NNAT: variants seen among roughly 807,000 people sequenced by gnomAD.
The protein encoded by NNAT is neuronatin.
NNAT carries 8 observed loss-of-function variants against 12.7 expected under a neutral mutation model. The ratio of observed to expected loss-of-function variants is 0.63; its 90% CI spans 0.37 to 1.14. The LOEUF (loss-of-function observed/expected upper bound fraction) is 1.14. NNAT is among the 50% of genes most tolerant of loss of function. The pLI, the probability that NNAT is intolerant of heterozygous loss-of-function variation, is 0.01. For synonymous variants in NNAT, 52 were observed against 48.5 expected (o/e 1.07, Z -0.30); for missense variants, 94 against 108.3 (o/e 0.87, Z 0.59).
Position 37,521,274 on chromosome 20 carries a change from G to A in NNAT, c.-58G>A. On this transcript the variant is annotated 5_prime_UTR_variant, in exon 1 of 3. Transcript: ENST00000649451. This position sits in a 1 kb window ranked among gnomAD's most constrained non-coding sequence, Gnocchi z 4.5. ...CAGTGCGCCCAACAGCGGACTCCGAGACCAGCGGATCTCGGCAAACCCTCT... is the reference window on the plus strand; with the variant it reads ...CAGTGCGCCCAACAGCGGACTCCGAAACCAGCGGATCTCGGCAAACCCTCT... The A allele has an allele frequency of 6.3e-7, 1 of 1,578,310 alleles. No individual in the cohort carries two copies. Among genetic ancestry groups the A allele is most frequent in the East Asian group, 2.2e-5 (1 of 44,610 alleles).
chr20:37,522,258 C>T lies in NNAT; in HGVS notation c.73-100C>T, dbSNP rs2071611915. ...TAAAAAGAGATAAATCAGAAGAAAG[C>T]GCTTTGCCCATAAAATCATTTACCC... On this transcript the variant is annotated intron_variant, in intron 1 of 2. Transcript: ENST00000649451. The T allele has an allele frequency of 5.2e-6, 4 of 770,026 alleles. No homozygotes were observed. In the South Asian group the frequency reaches 7.0e-5, roughly 13 times the overall value. The allele number at this position is 770,026 out of a possible 1,614,324, so 47.7% of individuals were successfully genotyped here.
Position 37,521,514 on chromosome 20 carries a change from C to A in NNAT, c.72+111C>A. 9.1e-7 allele frequency: 1 copy of A among 1,099,410 alleles called. No individual in the cohort carries two copies. Among genetic ancestry groups the A allele is most frequent in the Non-Finnish European group, 1.4e-6 (1 of 730,006 alleles). 68.1% of individuals were successfully genotyped at this position (1,099,410 alleles called of 1,614,324 possible). A position where few individuals can be genotyped will look rare whatever the true frequency, so the allele number is the denominator to read the frequency against. ...CGGACCCGTCCTATTCCGATTGCCG[C>A]GATCCTTGCCTGCCCAAGTGCCGCT... is the stretch of plus-strand genomic sequence containing the variant. On this transcript the variant is annotated intron_variant, in intron 1 of 2. Coordinates refer to ENST00000649451, the MANE Select transcript of NNAT (RefSeq NM_005386.4). This position sits in a 1 kb window ranked among gnomAD's most constrained non-coding sequence, Gnocchi z 4.5.
In NNAT at chr20:37,521,356, G is replaced by A. The variant is rs1469640250; in HGVS notation, c.25G>A (p.Ala9Thr). Residue 9 changes from alanine to threonine, a missense_variant, in exon 1 of 3, where the codon GCT becomes ACT. Coordinates refer to ENST00000649451, the MANE Select transcript of NNAT (RefSeq NM_005386.4). The surrounding 1 kb of genome is among the most constrained non-coding windows in gnomAD (Gnocchi z 4.5). ...CATGGCGGCAGTGGCGGCGGCCTCG[G>A]CTGAACTGCTCATCATCGGCTGGTA... MAAVAAAS[A>T]ELLIIGWYIF... 1.2e-6 allele frequency: 2 copies of A among 1,614,088 alleles called. No individual in the cohort carries two copies. The highest frequency in any genetic ancestry group is 2.2e-5 in the East Asian group (1 of 44,856).
At position 37,522,733 on chromosome 20, in the gene NNAT, GA is replaced by G. The variant is rs1290888358; in HGVS notation, c.221del (p.Glu74GlyfsTer58). Reference sequence around the variant, plus strand: ...GCGGACCGGGCGGCAGGTGTTGGGGGAGCGCAGGCAGCGAGCCCCCAACTGA... The same window carrying G: ...GCGGACCGGGCGGCAGGTGTTGGGGGGCGCAGGCAGCGAGCCCCCAACTGA... ...VSRTGRQVLG[E>X]RRQRAPN is the part of the protein sequence containing the mutation. On this transcript the variant is annotated frameshift_variant, in exon 3 of 3. Transcript: ENST00000649451. LOFTEE classifies it high-confidence loss of function. 3.1e-6 allele frequency: 5 copies of G among 1,609,760 alleles called. No homozygotes were observed. In the African/African-American group the frequency reaches 6.7e-5, roughly 22 times the overall value.
In NNAT at chr20:37,521,306, A is replaced by G; in HGVS notation, c.-26A>G. 1 of 1,612,670 alleles carries G rather than the reference A, an allele frequency of 6.2e-7. No individual in the cohort carries two copies. Among genetic ancestry groups the G allele is most frequent in the Non-Finnish European group, 8.5e-7 (1 of 1,178,864 alleles). On this transcript the variant is annotated 5_prime_UTR_variant, in exon 1 of 3. Coordinates refer to ENST00000649451, the MANE Select transcript of NNAT (RefSeq NM_005386.4). The surrounding 1 kb of genome is among the most constrained non-coding windows in gnomAD (Gnocchi z 4.5). ...GGATCTCGGCAAACCCTCTTTCTCG[A>G]CCACCCACCTACCATTCTTGGAACC...
chr20:37,523,110 G>A lies in NNAT; in HGVS notation c.*351G>A. 4.2e-6 allele frequency: 1 copy of A among 239,576 alleles called. No individual in the cohort carries two copies. Among genetic ancestry groups the A allele is most frequent in the Non-Finnish European group, 8.0e-6 (1 of 124,488 alleles). The allele number at this position is 239,576 out of a possible 1,614,324, so 14.8% of individuals were successfully genotyped here. A position where few individuals can be genotyped will look rare whatever the true frequency, so the allele number is the denominator to read the frequency against. On this transcript the variant is annotated 3_prime_UTR_variant, in exon 3 of 3. Coordinates refer to ENST00000649451, the MANE Select transcript of NNAT (RefSeq NM_005386.4). ...CAGCCCCGAAGCCAGGGCCATGCCAGCAGGCCCCACCATGGAAATCAAAAC... is the reference window on the plus strand; with the variant it reads ...CAGCCCCGAAGCCAGGGCCATGCCAACAGGCCCCACCATGGAAATCAAAAC...
rs1379821558 is a variant in NNAT at position 37,521,853 on chromosome 20, C to T, written c.72+450C>T. Among the ~76,000 whole-genome samples the T allele has an allele frequency of 7.4e-6, 1 of 135,842 alleles. No individual in the cohort carries two copies. The highest frequency in any genetic ancestry group is 1.6e-5 in the Non-Finnish European group (1 of 62,846). The allele number at this position is 135,842 out of a possible 152,430, so 89.1% of individuals were successfully genotyped here. ...ACATATAGCGCTTGCGGGGGTGGAA[C>T]AAAAAATAAGTTAGAAAAAGGCACT... On this transcript the variant is annotated intron_variant, in intron 1 of 2. Transcript: ENST00000649451. The surrounding 1 kb of genome is among the most constrained non-coding windows in gnomAD (Gnocchi z 4.5).
Position 37,521,489 on chromosome 20 carries a change from C to A in NNAT, c.72+86C>A, listed in dbSNP as rs2071570890. The stretch of plus-strand genomic sequence containing the variant: ...AGACTGCGTCGCGATTGCCGCTTCC[C>A]GGACCCGTCCTATTCCGATTGCCGC... On this transcript the variant is annotated intron_variant, in intron 1 of 2. Coordinates refer to ENST00000649451, the MANE Select transcript of NNAT (RefSeq NM_005386.4). This position sits in a 1 kb window ranked among gnomAD's most constrained non-coding sequence, Gnocchi z 4.5. The A allele has an allele frequency of 6.7e-6, 9 of 1,333,716 alleles. No individual in the cohort carries two copies. Among genetic ancestry groups the A allele is most frequent in the Non-Finnish European group, 9.7e-6 (9 of 927,402 alleles). The allele number at this position is 1,333,716 out of a possible 1,614,324, so 82.6% of individuals were successfully genotyped here.
chr20:37,522,407 C>T lies in NNAT; in HGVS notation c.122C>T (p.Pro41Leu). Residue 41 changes from proline to leucine, a missense_variant, in exon 2 of 3, where the codon CCT (proline) becomes CTT (leucine). Transcript: ENST00000649451. ...IYWVGFAFRNPPGTQPIARSE... is the reference protein window; with the variant it reads ...IYWVGFAFRNLPGTQPIARSE... ...TGGGTAGGATTCGCTTTTCGAAATC[C>T]TCCAGGGACACAGCCCATTGCGAGA... is the stretch of plus-strand genomic sequence containing the variant. 1 of 1,614,014 alleles carries T rather than the reference C, an allele frequency of 6.2e-7. No individual in the cohort carries two copies.
At position 37,522,730 on chromosome 20, in the gene NNAT, G is replaced by T; in HGVS notation, c.217G>T (p.Gly73Trp). The T allele has an allele frequency of 6.2e-7, 1 of 1,610,154 alleles. No homozygotes were observed. Among genetic ancestry groups the T allele is most frequent in the Non-Finnish European group, 8.5e-7 (1 of 1,178,790 alleles). The change falls in exon 3 of 3, where the codon GGG becomes TGG. Residue 73 changes from glycine to tryptophan, a missense_variant. Gly to Trp is a radical substitution (Grantham distance 184, BLOSUM62 -2). Coordinates refer to ENST00000649451, the MANE Select transcript of NNAT (RefSeq NM_005386.4). ...TVSRTGRQVL[G>W]ERRQRAPN ...GTCGCGGACCGGGCGGCAGGTGTTG[G>T]GGGAGCGCAGGCAGCGAGCCCCCAA...
chr20:37,522,552 G>A lies in NNAT; in HGVS notation c.153+114G>A, dbSNP rs2071621382. 9.1e-6 allele frequency: 11 copies of A among 1,208,134 alleles called. No homozygotes were observed. In the Admixed American group the frequency reaches 2.4e-4, roughly 26 times the overall value. 74.8% of individuals were successfully genotyped at this position (1,208,134 alleles called of 1,614,324 possible). ...AGCTGCGCCCGCGCCCGCCTCTCCA[G>A]CCTACGCTGGATGGGCGGGCGGGGC... On this transcript the variant is annotated intron_variant, in intron 2 of 2. Transcript: ENST00000649451.
In NNAT at chr20:37,522,982, AG is replaced by A. The variant is rs1021692814; in HGVS notation, c.*227del. 1 of 496,702 alleles carries A rather than the reference AG, an allele frequency of 2.0e-6. No homozygotes were observed. Among genetic ancestry groups the A allele is most frequent in the African/African-American group, 2.0e-5 (1 of 50,710 alleles). The allele number at this position is 496,702 out of a possible 1,614,324, so 30.8% of individuals were successfully genotyped here. A position where few individuals can be genotyped will look rare whatever the true frequency, so the allele number is the denominator to read the frequency against. ...CAACCCCTTTGCACCGGTCCCACTA[AG>A]GGGCAGGGTCGAGAGAGGAGGGGGG... is the stretch of plus-strand genomic sequence containing the variant. On this transcript the variant is annotated 3_prime_UTR_variant, in exon 3 of 3. Coordinates refer to ENST00000649451, the MANE Select transcript of NNAT (RefSeq NM_005386.4).
Position 37,523,019 on chromosome 20 carries a change from C to A in NNAT, c.*260C>A, listed in dbSNP as rs2087743678. 6.7e-6 allele frequency: 3 copies of A among 446,214 alleles called. No individual in the cohort carries two copies. The East Asian group carries it at 1.1e-4, about 16-fold the overall frequency. 27.6% of individuals were successfully genotyped at this position (446,214 alleles called of 1,614,324 possible). A position where few individuals can be genotyped will look rare whatever the true frequency, so the allele number is the denominator to read the frequency against. ...GAGAGAGGAGGGGGGATAGGGGGAGCAGACCCCTGAGATCTGGGCATAGGC... is the reference window on the plus strand; with the variant it reads ...GAGAGAGGAGGGGGGATAGGGGGAGAAGACCCCTGAGATCTGGGCATAGGC... On this transcript the variant is annotated 3_prime_UTR_variant, in exon 3 of 3. Transcript: ENST00000649451.
rs907414408 is a variant in NNAT at position 37,522,937 on chromosome 20, G to A, written c.*178G>A. The A allele has an allele frequency of 6.8e-6, 4 of 584,522 alleles. No individual in the cohort carries two copies. The highest frequency in any genetic ancestry group is 3.1e-5 in the Admixed American group (1 of 32,368). The allele number at this position is 584,522 out of a possible 1,614,324, so 36.2% of individuals were successfully genotyped here. On this transcript the variant is annotated 3_prime_UTR_variant, in exon 3 of 3. Coordinates refer to ENST00000649451, the MANE Select transcript of NNAT (RefSeq NM_005386.4). ...CCGGAGAAGCAGTACCGACAATGAC[G>A]AAGATACCAGATCCCTTCCCAACCC...
Position 37,521,641 on chromosome 20 carries a change from G to C in NNAT, c.72+238G>C. The C allele has an allele frequency of 1.9e-6, 1 of 531,356 alleles. No homozygotes were observed. The highest frequency in any genetic ancestry group is 5.0e-4 in the Middle Eastern group (1 of 2,010). The allele number at this position is 531,356 out of a possible 1,614,324, so 32.9% of individuals were successfully genotyped here. A position where few individuals can be genotyped will look rare whatever the true frequency, so the allele number is the denominator to read the frequency against. On this transcript the variant is annotated intron_variant, in intron 1 of 2. Coordinates refer to ENST00000649451, the MANE Select transcript of NNAT (RefSeq NM_005386.4). The surrounding 1 kb of genome is among the most constrained non-coding windows in gnomAD (Gnocchi z 4.5). Reference sequence around the variant, plus strand: ...CCAGGGAACAAAGACTCGGGGCGCGGCGGGCGACCGCTGCGGACGATCACC... The same window carrying C: ...CCAGGGAACAAAGACTCGGGGCGCGCCGGGCGACCGCTGCGGACGATCACC...
chr20:37,522,497 A>G, intron 2 of NNAT, 59 bp downstream of exon 2: 1 of 1,550,208 alleles, frequency 6.5e-7, no homozygotes, highest in African/African-American at 1.4e-5. Flanking sequence ...GCACAGTTGG[A>G]AAAGCTCCAG....
Position 37,521,431 on chromosome 20 carries a change from G to C in NNAT, c.72+28G>C. 1 of 1,610,758 alleles carries C rather than the reference G, an allele frequency of 6.2e-7. No homozygotes were observed. Among genetic ancestry groups the C allele is most frequent in the Non-Finnish European group, 8.5e-7 (1 of 1,176,912 alleles). On this transcript the variant is annotated intron_variant, in intron 1 of 2. Transcript: ENST00000649451. The surrounding 1 kb of genome is among the most constrained non-coding windows in gnomAD (Gnocchi z 4.5). ...AAGTCTGACGGGGTTTCGGGTGGGA[G>C]AGGGTTCCCAACTCGCGCCCCTAGA...
rs62206361 is a variant in NNAT, at chr20:37,523,059, T to G, written c.*300T>G. On this transcript the variant is annotated 3_prime_UTR_variant, in exon 3 of 3. Coordinates refer to ENST00000649451, the MANE Select transcript of NNAT (RefSeq NM_005386.4). ...TGGGCATAGGCACCGCATTCTGATCTGGACAAAGTCGGGACAGCACCATCC... is the reference window on the plus strand; with the variant it reads ...TGGGCATAGGCACCGCATTCTGATCGGGACAAAGTCGGGACAGCACCATCC... 2.0e-5 allele frequency: 7 copies of G among 355,230 alleles called. No individual in the cohort carries two copies. The highest frequency in any genetic ancestry group is 3.6e-5 in the Non-Finnish European group (7 of 196,300). The allele number at this position is 355,230 out of a possible 1,614,324, so 22.0% of individuals were successfully genotyped here.
rs940771264 is a variant in NNAT at position 37,521,578 on chromosome 20, C to T, written c.72+175C>T. 1.9e-4 allele frequency: 125 copies of T among 654,558 alleles called. 1 individual carries two copies. Among genetic ancestry groups the T allele is most frequent in the Middle Eastern group, 1.2e-3 (3 of 2,444 alleles). The allele number at this position is 654,558 out of a possible 1,614,324, so 40.5% of individuals were successfully genotyped here. On this transcript the variant is annotated intron_variant, in intron 1 of 2. Transcript: ENST00000649451. This position sits in a 1 kb window ranked among gnomAD's most constrained non-coding sequence, Gnocchi z 4.5. ...GCCCCCTGCCCATTCCCTGCGCCGT[C>T]CTCCTCGCGCTGACCCTCCCTAGTG...
Sources: gnomAD v4.1 joint callset for allele counts (sites outside exome capture counted in the v4.1 genomes callset) on GRCh38, gnomAD v4.1.1 for gene constraint, Gnocchi (gnomAD v3.1) non-coding constraint, MANE v1.5 for transcripts, NCBI Gene and HGNC (gene_info 2026-07-23, HGNC 2026-07-21) for gene names.